The following PSMD11 variants were observed in gnomAD, a reference collection of about 807,000 sequenced individuals.
PSMD11 encodes 26S proteasome non-ATPase regulatory subunit 11.
PSMD11 carries 5 observed loss-of-function variants against 62.3 expected under a neutral mutation model. The ratio of observed to expected loss-of-function variants is 0.08; its 90% CI spans 0.04 to 0.17. The LOEUF is 0.17. Ranked by LOEUF, PSMD11 falls within the 10% of genes least tolerant of loss-of-function variation. The pLI, the probability that PSMD11 is intolerant of heterozygous loss-of-function variation, is 1.00. For synonymous variants in PSMD11, 191 were observed against 191.8 expected (o/e 1.00, Z 0.03); for missense variants, 310 against 512.9 (o/e 0.60, Z 3.82).
intron 4 of PSMD11, 50 bp downstream of exon 4, chr17:32,464,170 G>T (rs751268104): frequency 1.2e-4 from 177 of 1,504,752 alleles, no homozygotes; most frequent in Non-Finnish European, 1.6e-4. Flanking sequence ...TGAGACAGAG[G>T]GTGAATGTAA....
At chr17:32,448,152 T>A (rs1022605385) in intron 2 of PSMD11, among the ~76,000 whole-genome samples, 1 of 151,858 alleles carries the variant, frequency 6.6e-6, no homozygotes, top group Non-Finnish European at 1.5e-5. Flanking sequence ...GTGCTGGGAT[T>A]CCAGGTGTGA....
At chr17:32,452,727 C>T (rs1410591083) in intron 2 of PSMD11, among the ~76,000 whole-genome samples, 1 of 152,206 alleles carries the variant, frequency 6.6e-6, no homozygotes, top group Non-Finnish European at 1.5e-5. Context: ...GCAAAACATG[C>T]TATCTTGTGT....
chr17:32,449,841 T>A (rs112381051), intron 2 of PSMD11, among the ~76,000 whole-genome samples: 32 of 152,232 alleles, frequency 2.1e-4, no homozygotes, highest in Non-Finnish European at 3.7e-4. Flanking sequence ...TCAGTTTTTT[T>A]ATGCATTTAA....
At chr17:32,451,594 T>G (rs576955040) in intron 2 of PSMD11, among the ~76,000 whole-genome samples, 1 of 152,030 alleles carries the variant, frequency 6.6e-6, no homozygotes, top group South Asian at 2.1e-4. Context: ...ATAAAGAAAT[T>G]AAAAATAAAG....
chr17:32,460,332 A>G (rs1486796556), intron 3 of PSMD11, among the ~76,000 whole-genome samples: 1 of 152,138 alleles, frequency 6.6e-6, no homozygotes, highest in Non-Finnish European at 1.5e-5. Flanking sequence ...AAGTGCCTGG[A>G]TTACGGATGT....
chr17:32,470,848 A>G (rs181332397), intron 6 of PSMD11, among the ~76,000 whole-genome samples: 44 of 152,338 alleles, frequency 2.9e-4, no homozygotes, highest in African/African-American at 9.9e-4. Context: ...TTCCTTAGCT[A>G]CAGAGAAGAG....
intron 8 of PSMD11, among the ~76,000 whole-genome samples, chr17:32,475,724 G>A (rs763901959): frequency 2.1e-4 from 31 of 151,110 alleles, no homozygotes; most frequent in Middle Eastern, 3.4e-3. Context: ...TCAGCCTCCC[G>A]AGTAGCTGGG....
intron 13 of PSMD11, 22 bp downstream of exon 13, chr17:32,480,653 C>T (rs148367648): frequency 1.2e-6 from 2 of 1,613,468 alleles, no homozygotes; most frequent in South Asian, 2.2e-5. Flanking sequence ...CTTCAGGACC[C>T]CAGGGCTGGG....
chr17:32,450,170 A>G (rs1189123021), intron 2 of PSMD11, among the ~76,000 whole-genome samples: 1 of 151,946 alleles, frequency 6.6e-6, no homozygotes, highest in East Asian at 1.9e-4. Context: ...CATGTTGTCC[A>G]GGCTGATCTT....
At chr17:32,460,123 A>G (rs139745381) in intron 3 of PSMD11, among the ~76,000 whole-genome samples, 117 of 152,182 alleles carry the variant, frequency 7.7e-4, no homozygotes, top group African/African-American at 2.7e-3. Context: ...GCAGGGTGCA[A>G]TCGTAGTTCA....
rs567531758 is a variant in PSMD11 at position 32,456,359 on chromosome 17, C to T, written c.318+1740C>T. ...TCCCCATAACCTAGAGCTCACTCAG[C>T]GGATAGAACAGCATTTATTTTTTTT... On this transcript the variant is annotated intron_variant, in intron 3 of 13. Transcript: ENST00000261712. 5.5e-4 allele frequency among the ~76,000 whole-genome samples: 84 copies of T among 151,864 alleles called. No individual in the cohort carries two copies. The South Asian group carries it at 8.9e-3, about 16-fold the overall frequency.
At chr17:32,480,031 G>T in intron 11 of PSMD11, 115 bp from the exon 12 acceptor site, 1 of 1,483,340 alleles carries the variant, frequency 6.7e-7, no homozygotes, top group Non-Finnish European at 9.4e-7. Context: ...GAGTTGCATT[G>T]TTGCTATTTT....
intron 8 of PSMD11, among the ~76,000 whole-genome samples, chr17:32,476,418 G>C (rs1240122686): frequency 1.3e-5 from 2 of 152,164 alleles, no homozygotes; most frequent in African/African-American, 2.4e-5. Context: ...CTAAGTTCCA[G>C]GCTTTTCTCA....
intron 5 of PSMD11, among the ~76,000 whole-genome samples, chr17:32,466,260 G>A (rs1482846350): frequency 6.6e-6 from 1 of 152,178 alleles, no homozygotes. Context: ...GCCTCCCAAA[G>A]TACTGGGATT....
chr17:32,468,331 T>C (rs1246302890), intron 5 of PSMD11, among the ~76,000 whole-genome samples: 3 of 152,230 alleles, frequency 2.0e-5, no homozygotes, highest in Non-Finnish European at 4.4e-5. Context: ...CATTTTAATT[T>C]TGATGAAGTT....
At chr17:32,454,180 T>G (rs1008796600) in intron 2 of PSMD11, among the ~76,000 whole-genome samples, 1 of 152,216 alleles carries the variant, frequency 6.6e-6, no homozygotes, top group African/African-American at 2.4e-5. Context: ...GAAAACTGGT[T>G]TTTGAGATTA....
intron 2 of PSMD11, 25 bp downstream of exon 2, chr17:32,447,071 C>G (rs771221088): frequency 1.3e-6 from 2 of 1,514,506 alleles, no homozygotes; most frequent in Admixed American, 3.6e-5. Flanking sequence ...TGGATTGTAT[C>G]TGAAATGCTC....
chr17:32,455,372 GT>G (rs1448761459), intron 3 of PSMD11, among the ~76,000 whole-genome samples: 1 of 152,212 alleles, frequency 6.6e-6, no homozygotes. Context: ...TGGGGATACA[GT>G]TGTAAAAACA....
At position 32,469,094 on chromosome 17, in the gene PSMD11, A is replaced by C; in HGVS notation, c.544A>C (p.Asn182His). 1 of 1,614,168 alleles carries C rather than the reference A, an allele frequency of 6.2e-7. No homozygotes were observed. The highest frequency in any genetic ancestry group is 8.5e-7 in the Non-Finnish European group (1 of 1,180,044). ...LESKTYHALS[N>H]LPKARAALTS... is the part of the protein sequence containing the mutation. Reference sequence around the variant, plus strand: ...AAGCAAAACATACCATGCCCTGAGCAACCTGCCGAAAGCCCGAGCTGCCTT... The same window carrying C: ...AAGCAAAACATACCATGCCCTGAGCCACCTGCCGAAAGCCCGAGCTGCCTT... The change falls in exon 6 of 14, where the codon AAC becomes CAC. Residue 182 changes from asparagine (N) to histidine (H), a missense_variant. Around this residue, in one of 6 missense-constraint regions of PSMD11, gnomAD observed 47 missense variants for 117.7 expected, o/e 0.40. Transcript: ENST00000261712.
Sources: gnomAD v4.1 joint callset for allele counts (sites outside exome capture counted in the v4.1 genomes callset) on GRCh38, gnomAD v4.1.1 for gene constraint, gnomAD v4.1.1 regional missense constraint, MANE v1.5 for transcripts, NCBI Gene and HGNC (gene_info 2026-07-23, HGNC 2026-07-21) for gene names.